Variants in CDC42BPB observed in about 807,000 individuals in gnomAD.
CDC42BPB encodes CDC42 binding protein kinase beta.
Under a neutral mutation model 214.9 loss-of-function variants are expected in CDC42BPB, and 37 were observed. The observed-to-expected ratio is 0.17, with a 90% confidence interval of 0.13 to 0.23. CDC42BPB has a LOEUF of 0.23. Among genes scored for constraint, CDC42BPB ranks in the 10% least tolerant of loss-of-function variants. The pLI, the probability that CDC42BPB is intolerant of heterozygous loss-of-function variation, is 1.00. For missense variants in CDC42BPB, 1,694 were observed against 2,227.0 expected (o/e 0.76, Z 4.82); for synonymous variants, 931 against 884.0 (o/e 1.05, Z -0.94).
rs183124802 is a variant in CDC42BPB, at chr14:102,970,785, C to G, written c.1885-524G>C. 1.6e-4 allele frequency among the ~76,000 whole-genome samples: 25 copies of G among 152,338 alleles called. No homozygotes were observed. In the East Asian group the frequency reaches 4.8e-3, roughly 29 times the overall value. On this transcript the variant is annotated intron_variant, in intron 13 of 36. Transcript: ENST00000361246. ...AATTCCTCATTAGGGGTATCACTAA[C>G]TTCAGTTTTAACTGCCTGTAACTAC...
In CDC42BPB at chr14:102,934,391, G is replaced by A. The variant is rs34181945; in HGVS notation, c.5005-548C>T. Among the ~76,000 whole-genome samples, 979 of 152,268 alleles carry A rather than the reference G, an allele frequency of 6.4e-3. 11 individuals carry two copies. The highest frequency in any genetic ancestry group is 0.022 in the African/African-American group (934 of 41,556). On this transcript the variant is annotated intron_variant, in intron 36 of 36. Coordinates refer to ENST00000361246, the MANE Select transcript of CDC42BPB (RefSeq NM_006035.4). ...CTACTAAAAATACAAAAAATTAGCC[G>A]GGCGTGGCAGCATGCACCTGTAGTC...
chr14:102,996,634 G>C (rs1254171422), intron 5 of CDC42BPB, among the ~76,000 whole-genome samples: 4 of 151,940 alleles, frequency 2.6e-5, no homozygotes, highest in Non-Finnish European at 5.9e-5. Context: ...CCAACATGGA[G>C]AAACCCCATC....
intron 1 of CDC42BPB, among the ~76,000 whole-genome samples, chr14:103,025,837 A>G (rs1887022294): frequency 6.6e-6 from 1 of 151,860 alleles, no homozygotes; most frequent in Non-Finnish European, 1.5e-5. Flanking sequence ...AACTCCTGTC[A>G]TACACAACAC....
chr14:103,024,500 G>A (rs568573518), intron 1 of CDC42BPB, among the ~76,000 whole-genome samples: 1 of 152,306 alleles, frequency 6.6e-6, no homozygotes, highest in East Asian at 1.9e-4. Context: ...AGTAAATAAG[G>A]TTCAAAGGAG....
At chr14:103,003,734 T>TTA (rs1010939711) in intron 4 of CDC42BPB, among the ~76,000 whole-genome samples, 194 bp downstream of exon 4, 1 of 152,242 alleles carries the variant, frequency 6.6e-6, no homozygotes, top group African/African-American at 2.4e-5. Flanking sequence ...AACAAAGTCC[T>TTA]TACTTCCACA....
Position 103,041,338 on chromosome 14 carries a change from T to C in CDC42BPB, c.175+15661A>G, listed in dbSNP as rs1887981189. On this transcript the variant is annotated intron_variant, in intron 1 of 36. Coordinates refer to ENST00000361246, the MANE Select transcript of CDC42BPB (RefSeq NM_006035.4). ...TAAAAAACTCTTAGAAGAAAACACA[T>C]GTATAAAAGAAAACACAGGTATGAA... 8.6e-6 allele frequency: 4 copies of C among 463,308 alleles called. No homozygotes were observed. The South Asian group carries it at 1.4e-4, about 16-fold the overall frequency. 28.7% of individuals were successfully genotyped at this position (463,308 alleles called of 1,614,324 possible). A position where few individuals can be genotyped will look rare whatever the true frequency, so the allele number is the denominator to read the frequency against.
At chr14:103,012,656 T>C (rs1050505636) in intron 1 of CDC42BPB, among the ~76,000 whole-genome samples, 16 of 152,062 alleles carry the variant, frequency 1.1e-4, no homozygotes, top group Admixed American at 5.2e-4. Flanking sequence ...AATACAAAAA[T>C]TAGCCGGATG....
At chr14:102,978,280 G>T in intron 8 of CDC42BPB, 75 bp from the exon 9 acceptor site, 1 of 1,595,022 alleles carries the variant, frequency 6.3e-7, no homozygotes, top group Non-Finnish European at 8.5e-7. Flanking sequence ...GATGGTTACA[G>T]TCATGGTGAC....
At chr14:103,026,163 C>T (rs541114509) in intron 1 of CDC42BPB, among the ~76,000 whole-genome samples, 39 of 151,454 alleles carry the variant, frequency 2.6e-4, no homozygotes, top group Non-Finnish European at 4.0e-4. Flanking sequence ...TTTGGGAGGC[C>T]GAGGTGAGTG....
At chr14:102,998,550 C>T (rs1411725179) in intron 5 of CDC42BPB, among the ~76,000 whole-genome samples, 1 of 152,230 alleles carries the variant, frequency 6.6e-6, no homozygotes, top group Non-Finnish European at 1.5e-5. Context: ...ATCTTTGAGT[C>T]TCAGGACAAG....
chr14:103,036,153 C>CTT (rs564909240), intron 1 of CDC42BPB, among the ~76,000 whole-genome samples: 20 of 135,960 alleles, frequency 1.5e-4, no homozygotes, highest in Admixed American at 2.9e-4. Flanking sequence ...ATAAAATATT[C>CTT]TTTTTTTTTT....
chr14:102,936,482 A>C (rs967459011), intron 36 of CDC42BPB, among the ~76,000 whole-genome samples: 2 of 152,188 alleles, frequency 1.3e-5, no homozygotes, highest in African/African-American at 4.8e-5. Context: ...GCCAGGTGAG[A>C]GCTAGGCACA....
intron 1 of CDC42BPB, among the ~76,000 whole-genome samples, chr14:103,017,703 C>T (rs957575009): frequency 2.0e-5 from 3 of 152,050 alleles, no homozygotes; most frequent in African/African-American, 7.2e-5. Context: ...TCAGCAGTGT[C>T]GAGGTCATGA....
In CDC42BPB at chr14:102,999,673, G is replaced by A. The variant is rs1246324934; in HGVS notation, c.488C>T (p.Thr163Ile). Residue 163 changes from threonine to isoleucine, a missense_variant, in exon 5 of 37, where the codon ACC becomes ATC. This residue lies in a region of CDC42BPB where 225 missense variants were observed against 459.3 expected (regional missense o/e 0.49). Coordinates refer to ENST00000361246, the MANE Select transcript of CDC42BPB (RefSeq NM_006035.4). ...CTTGTCTTCAAATTTGCTGAGCAGG[G>A]TCAGTAAATCACCACCCACATAGTA... ...MDYYVGGDLLTLLSKFEDKLP... is the reference protein window; with the variant it reads ...MDYYVGGDLLILLSKFEDKLP... 2 of 1,614,138 alleles carry A rather than the reference G, an allele frequency of 1.2e-6. No individual in the cohort carries two copies. The highest frequency in any genetic ancestry group is 4.5e-5 in the East Asian group (2 of 44,892).
At chr14:102,937,509 T>C (rs996395174) in intron 36 of CDC42BPB, among the ~76,000 whole-genome samples, 1 of 145,318 alleles carries the variant, frequency 6.9e-6, no homozygotes, top group African/African-American at 2.5e-5. Flanking sequence ...CATCCCTCCC[T>C]CCCTCCCTCC....
intron 6 of CDC42BPB, 175 bp downstream of exon 6, chr14:102,986,312 A>G (rs1345863278): frequency 1.8e-6 from 1 of 556,226 alleles, no homozygotes; most frequent in Admixed American, 3.3e-5. Context: ...TTCCAACTTA[A>G]TTTTTATTTG....
intron 1 of CDC42BPB, among the ~76,000 whole-genome samples, chr14:103,018,216 C>T (rs565487304): frequency 2.6e-5 from 4 of 152,166 alleles, no homozygotes; most frequent in East Asian, 1.9e-4. Flanking sequence ...CATCTCCTGC[C>T]GTGGAGTCTG....
At chr14:103,048,838 C>T (rs1188215381) in intron 1 of CDC42BPB, among the ~76,000 whole-genome samples, 1 of 151,708 alleles carries the variant, frequency 6.6e-6, no homozygotes, top group Non-Finnish European at 1.5e-5. Flanking sequence ...CATGCCACTG[C>T]ACTCCAGCCT....
chr14:102,942,992 C>T (rs1419056536), intron 30 of CDC42BPB, among the ~76,000 whole-genome samples: 1 of 152,204 alleles, frequency 6.6e-6, no homozygotes, highest in African/African-American at 2.4e-5. Context: ...CCTCAGCCTC[C>T]TGAGTAGCTG....
Sources: gnomAD v4.1 joint callset for allele counts (sites outside exome capture counted in the v4.1 genomes callset) on GRCh38, gnomAD v4.1.1 for gene constraint, gnomAD v4.1.1 regional missense constraint, MANE v1.5 for transcripts, NCBI Gene and HGNC (gene_info 2026-07-23, HGNC 2026-07-21) for gene names.